Variants in TBC1D9 observed in about 807,000 individuals in gnomAD.
TBC1D9 encodes TBC1 domain family member 9, also known as TBC1 domain family member 9A.
In TBC1D9, 63 loss-of-function variants were observed where a neutral mutation model predicts 132.0. The ratio of observed to expected loss-of-function variants is 0.48; its 90% CI spans 0.39 to 0.59. The LOEUF is 0.59. TBC1D9 is among the 20% of genes least tolerant of loss of function. The probability of loss-of-function intolerance (pLI) is 0.00; values close to 1 mark genes in which losing one functional copy is unlikely to be tolerated. For missense variants in TBC1D9, 1,261 were observed against 1,592.7 expected, an observed-to-expected ratio of 0.79 and a Z score of 3.54; for synonymous variants, 610 against 609.9, an observed-to-expected ratio of 1.00 and a Z score of 0.00.
In TBC1D9 at chr4:140,628,378, T is replaced by G. The variant is rs770349845; in HGVS notation, c.2747-13A>C. The G allele has an allele frequency of 6.2e-6, 10 of 1,612,176 alleles. No homozygotes were observed. Among genetic ancestry groups the G allele is most frequent in the Non-Finnish European group, 8.5e-6 (10 of 1,178,380 alleles). The stretch of plus-strand genomic sequence containing the variant: ...TGGCATGCAGCACCTAGAAGTCACA[T>G]AAGTACCAATGTGAAATGCATCACA... On this transcript the variant is annotated splice_polypyrimidine_tract_variant and intron_variant, in intron 16 of 20. Transcript: ENST00000442267.
chr4:140,687,390 AT>A (rs1737805491), intron 2 of TBC1D9, among the ~76,000 whole-genome samples: 10 of 117,578 alleles, frequency 8.5e-5, no homozygotes, highest in East Asian at 5.3e-4. Context: ...ATATATATAT[AT>A]ATATAAACAT....
chr4:140,666,876 C>A (rs1242829105), intron 9 of TBC1D9, among the ~76,000 whole-genome samples: 1 of 152,080 alleles, frequency 6.6e-6, no homozygotes, highest in Non-Finnish European at 1.5e-5. Flanking sequence ...AAAAGTGGAG[C>A]CCCAAGACCC....
rs544862705 is a variant in TBC1D9, at chr4:140,621,012, C to T, written c.*1183G>A. The T allele has an allele frequency of 3.9e-5, 6 of 152,676 alleles. No individual in the cohort carries two copies. The highest frequency in any genetic ancestry group is 5.9e-5 in the Non-Finnish European group (4 of 68,014). 9.5% of individuals were successfully genotyped at this position (152,676 alleles called of 1,614,324 possible). ...GAATTCAACAATCAGAAGAAAAAAT[C>T]GTCCAACATCTGTAAAAAGCAAAAT... On this transcript the variant is annotated 3_prime_UTR_variant, in exon 21 of 21. Coordinates refer to ENST00000442267, the MANE Select transcript of TBC1D9 (RefSeq NM_015130.3).
intron 15 of TBC1D9, among the ~76,000 whole-genome samples, chr4:140,636,675 G>A (rs1189383237): frequency 6.6e-6 from 1 of 152,158 alleles, no homozygotes; most frequent in Non-Finnish European, 1.5e-5. Context: ...ACAGATGTGA[G>A]CTACTGCACC....
intron 13 of TBC1D9, among the ~76,000 whole-genome samples, chr4:140,653,164 G>A (rs1578825928): frequency 6.8e-6 from 1 of 147,902 alleles, no homozygotes. Flanking sequence ...CTTATAATGA[G>A]TGAGATTTTC....
In TBC1D9 at chr4:140,657,774, G is replaced by T. The variant is rs2110997109; in HGVS notation, c.1960C>A (p.Arg654=). ...VDQGVFEELA[R]DYVPQLYDCM... is the part of the protein sequence containing the mutation. ...TCGTACAGCTGTGGGACGTAGTCTC[G>T]TGCTAGCTCCTCAAAGACACCTTGG... The change falls in exon 12 of 21, where the codon CGA becomes AGA. Residue 654 remains arginine, a synonymous_variant. Transcript: ENST00000442267. 1 of 1,613,800 alleles carries T rather than the reference G, an allele frequency of 6.2e-7. No individual in the cohort carries two copies.
chr4:140,747,208 C>G (rs1166460375), intron 1 of TBC1D9, among the ~76,000 whole-genome samples: 1 of 151,776 alleles, frequency 6.6e-6, no homozygotes, highest in Non-Finnish European at 1.5e-5. Context: ...AAAAATTAGC[C>G]AGGCATGGTG....
Position 140,639,439 on chromosome 4 carries a change from G to A in TBC1D9, c.2338-11C>T, listed in dbSNP as rs780224777. The A allele has an allele frequency of 1.9e-6, 3 of 1,588,522 alleles. No individual in the cohort carries two copies. Among genetic ancestry groups the A allele is most frequent in the African/African-American group, 2.7e-5 (2 of 74,566 alleles). ...GATAGTTCCGAATTTCTGTAAAGGA[G>A]CAATATTGGTGTCTCTGAAAAAATC... On this transcript the variant is annotated splice_polypyrimidine_tract_variant and intron_variant, in intron 13 of 20. Coordinates refer to ENST00000442267, the MANE Select transcript of TBC1D9 (RefSeq NM_015130.3).
At chr4:140,659,191 T>C (rs1381939712) in intron 11 of TBC1D9, among the ~76,000 whole-genome samples, 1 of 152,160 alleles carries the variant, frequency 6.6e-6, no homozygotes. Context: ...TAAACCTCTA[T>C]ATTCTATTTT....
At chr4:140,681,109 A>G (rs184575787) in intron 3 of TBC1D9, among the ~76,000 whole-genome samples, 7 of 152,256 alleles carry the variant, frequency 4.6e-5, no homozygotes, top group Admixed American at 4.6e-4. Flanking sequence ...TCACTGGACT[A>G]CATCCTACCC....
rs1326801603 is a variant in TBC1D9 at position 140,622,514 on chromosome 4, G to T, written c.3482C>A (p.Ser1161Tyr). 1 of 1,614,050 alleles carries T rather than the reference G, an allele frequency of 6.2e-7. No homozygotes were observed. Among genetic ancestry groups the T allele is most frequent in the Non-Finnish European group, 8.5e-7 (1 of 1,179,898 alleles). The change falls in exon 21 of 21, where the codon TCC becomes TAC. Residue 1161 changes from serine to tyrosine, a missense_variant. Around this residue, in one of 3 missense-constraint regions of TBC1D9, gnomAD observed 618 missense variants for 724.4 expected, o/e 0.85. Coordinates refer to ENST00000442267, the MANE Select transcript of TBC1D9 (RefSeq NM_015130.3). ...ISDDDTKDDS[S>Y]MSSYSVLSAG... ...ACTCAGCACCGAGTATGAGGACATG[G>T]AGCTGTCGTCCTTGGTGTCGTCGTC...
rs35813378 is a variant in TBC1D9 at position 140,641,090 on chromosome 4, C to CAAAAAAAAAAAAA, written c.2338-1675_2338-1663dup. Among the ~76,000 whole-genome samples, 55 of 34,996 alleles carry CAAAAAAAAAAAAA rather than the reference C, an allele frequency of 1.6e-3. 1 individual carries two copies. Among genetic ancestry groups the CAAAAAAAAAAAAA allele is most frequent in the African/African-American group, 3.0e-3 (23 of 7,620 alleles). The allele number at this position is 34,996 out of a possible 152,430, so 23.0% of individuals were successfully genotyped here. On this transcript the variant is annotated intron_variant, in intron 13 of 20. Coordinates refer to ENST00000442267, the MANE Select transcript of TBC1D9 (RefSeq NM_015130.3). Reference sequence around the variant, plus strand: ...TAAATCTTACAATCATAATACTAAGCAAAAAAAAAAAAAACAAAAAAAAAC... The same window carrying CAAAAAAAAAAAAA: ...TAAATCTTACAATCATAATACTAAGCAAAAAAAAAAAAAAAAAAAAAAAAAAACAAAAAAAAAC...
intron 1 of TBC1D9, among the ~76,000 whole-genome samples, chr4:140,709,840 G>C (rs1001967504): frequency 6.6e-6 from 1 of 152,174 alleles, no homozygotes; most frequent in Non-Finnish European, 1.5e-5. Flanking sequence ...TTCGCAATAG[G>C]GTTCTCGTGC....
chr4:140,623,030 C>G (rs1736646339), intron 20 of TBC1D9, 113 bp from the exon 21 acceptor site: 5 of 1,309,502 alleles, frequency 3.8e-6, no homozygotes, highest in Non-Finnish European at 5.0e-6. Context: ...CCTGGAAAGT[C>G]CTCCGCCTAG....
At chr4:140,733,928 T>C (rs1364254055) in intron 1 of TBC1D9, among the ~76,000 whole-genome samples, 2 of 152,120 alleles carry the variant, frequency 1.3e-5, no homozygotes, top group Non-Finnish European at 1.5e-5. Flanking sequence ...TCCCTCCTTC[T>C]CTCCTCCGCT....
intron 1 of TBC1D9, among the ~76,000 whole-genome samples, chr4:140,724,863 T>C (rs1738474490): frequency 6.6e-6 from 1 of 152,178 alleles, no homozygotes; most frequent in African/African-American, 2.4e-5. Flanking sequence ...CACTGAAATA[T>C]CATTTTCACT....
At chr4:140,647,926 G>T (rs938545719) in intron 13 of TBC1D9, among the ~76,000 whole-genome samples, 4 of 152,102 alleles carry the variant, frequency 2.6e-5, no homozygotes, top group Admixed American at 6.5e-5. Context: ...CTTTGGGGGG[G>T]GTCTCTCCCT....
chr4:140,670,515 T>C, intron 7 of TBC1D9: 1 of 560,910 alleles, frequency 1.8e-6, no homozygotes, highest in Non-Finnish European at 3.2e-6. Context: ...AAAATAAAAG[T>C]GTTATTCCAG....
At chr4:140,638,101 CTG>C (rs1464093119) in intron 15 of TBC1D9, among the ~76,000 whole-genome samples, 1 of 152,172 alleles carries the variant, frequency 6.6e-6, no homozygotes, top group Non-Finnish European at 1.5e-5. Context: ...CATTTTCTGA[CTG>C]TAAGACGTAG....
Sources: allele counts gnomAD v4.1 joint callset (sites outside exome capture counted in the v4.1 genomes callset), GRCh38; gene constraint gnomAD v4.1.1; regional missense constraint gnomAD v4.1.1; transcripts MANE v1.5; gene names NCBI Gene and HGNC (gene_info 2026-07-23, HGNC 2026-07-21).